LRRTM4: variants seen among roughly 807,000 people sequenced by gnomAD.
LRRTM4 encodes the protein leucine-rich repeat transmembrane neuronal protein 4.
Under a neutral mutation model 47.6 loss-of-function variants are expected in LRRTM4, and 25 were observed. That is an observed-to-expected ratio of 0.53 (90% CI 0.38 to 0.73). The LOEUF (loss-of-function observed/expected upper bound fraction) is 0.73. Ranked by LOEUF, LRRTM4 falls within the 30% of genes least tolerant of loss-of-function variation. LRRTM4 has a pLI of 0.00. For synonymous variants in LRRTM4, 311 were observed against 269.5 expected (o/e 1.15, Z -1.51); for missense variants, 638 against 713.4 (o/e 0.89, Z 1.20).
chr2:76,914,105 C>T (rs1674163587), intron 3 of LRRTM4, among the ~76,000 whole-genome samples: 1 of 151,728 alleles, frequency 6.6e-6, no homozygotes, highest in African/African-American at 2.4e-5. Context: ...TGGGATTAGT[C>T]TTAGACAACT....
intron 3 of LRRTM4, among the ~76,000 whole-genome samples, chr2:77,457,419 T>C (rs974859752): frequency 1.3e-5 from 2 of 152,096 alleles, no homozygotes; most frequent in African/African-American, 2.4e-5. Context: ...ATTATCTATC[T>C]ACACCTCTAA....
At chr2:76,926,069 T>A (rs1200307674) in intron 3 of LRRTM4, among the ~76,000 whole-genome samples, 2 of 152,134 alleles carry the variant, frequency 1.3e-5, no homozygotes, top group African/African-American at 2.4e-5. Context: ...GACAATTCAT[T>A]TAGGAGTTTG....
intron 3 of LRRTM4, among the ~76,000 whole-genome samples, chr2:77,214,129 T>C (rs1211319620): frequency 6.6e-6 from 1 of 152,204 alleles, no homozygotes; most frequent in Non-Finnish European, 1.5e-5. Context: ...CCATTTTGCC[T>C]TTACTTGAGA....
At chr2:77,113,313 G>A (rs988948833) in intron 3 of LRRTM4, among the ~76,000 whole-genome samples, 2 of 152,124 alleles carry the variant, frequency 1.3e-5, no homozygotes, top group Non-Finnish European at 2.9e-5. Context: ...AATGACCTCA[G>A]TACAAAAAGT....
intron 3 of LRRTM4, among the ~76,000 whole-genome samples, chr2:76,817,694 C>A (rs977808495): frequency 1.1e-4 from 16 of 151,916 alleles, no homozygotes; most frequent in African/African-American, 3.6e-4. Context: ...TTCCCTGAAA[C>A]TGCCTTGGAA....
chr2:76,912,237 T>C (rs79532982), intron 3 of LRRTM4, among the ~76,000 whole-genome samples: 1,586 of 152,274 alleles, frequency 0.01, 32 homozygotes, highest in African/African-American at 0.036. Context: ...CTTTTTAAAT[T>C]AGATGTATGA....
intron 3 of LRRTM4, among the ~76,000 whole-genome samples, chr2:76,867,010 G>T (rs1283498917): frequency 6.6e-6 from 1 of 151,870 alleles, no homozygotes; most frequent in African/African-American, 2.4e-5. Context: ...GTAAATGAGA[G>T]TTGAACAATG....
chr2:76,991,770 C>T (rs538921360), intron 3 of LRRTM4, among the ~76,000 whole-genome samples: 6 of 151,598 alleles, frequency 4.0e-5, no homozygotes, highest in Non-Finnish European at 8.9e-5. Flanking sequence ...GAGGGCTCCT[C>T]CCTAAATCAT....
intron 3 of LRRTM4, among the ~76,000 whole-genome samples, chr2:77,141,602 C>T (rs1672125289): frequency 6.6e-6 from 1 of 152,076 alleles, no homozygotes; most frequent in Admixed American, 6.6e-5. Flanking sequence ...CACATGTACC[C>T]TAGAAATTAA....
intron 3 of LRRTM4, among the ~76,000 whole-genome samples, chr2:76,961,096 T>C (rs1274429630): frequency 2.0e-5 from 3 of 151,546 alleles, no homozygotes; most frequent in Admixed American, 2.0e-4. Context: ...ACTTTCATTT[T>C]TATTTATTAC....
chr2:76,985,046 T>G (rs918790792), intron 3 of LRRTM4, among the ~76,000 whole-genome samples: 2 of 151,998 alleles, frequency 1.3e-5, no homozygotes, highest in African/African-American at 4.8e-5. Context: ...AAGTATTAAT[T>G]TTCTTTGTAT....
chr2:77,259,024 T>G (rs1282168944), intron 3 of LRRTM4, among the ~76,000 whole-genome samples: 2 of 152,036 alleles, frequency 1.3e-5, no homozygotes, highest in East Asian at 3.9e-4. Flanking sequence ...CATTTAAAAA[T>G]TACTGTAATT....
chr2:76,914,638 T>C (rs1158475817), intron 3 of LRRTM4, among the ~76,000 whole-genome samples: 3 of 152,062 alleles, frequency 2.0e-5, no homozygotes, highest in Admixed American at 1.3e-4. Context: ...GCATTCTTCC[T>C]CTTATCTGAC....
chr2:77,189,110 TAA>T (rs143237081), intron 3 of LRRTM4, among the ~76,000 whole-genome samples: 4,973 of 148,172 alleles, frequency 0.034, 132 homozygotes, highest in African/African-American at 0.078. Context: ...AAATTTCAAA[TAA>T]AAAAAAAACT....
chr2:76,866,904 G>A (rs1040637668), intron 3 of LRRTM4, among the ~76,000 whole-genome samples: 32 of 152,212 alleles, frequency 2.1e-4, no homozygotes, highest in African/African-American at 7.2e-4. Flanking sequence ...AAAGAATGAG[G>A]TCATGTCCCT....
intron 3 of LRRTM4, among the ~76,000 whole-genome samples, chr2:76,803,736 A>C (rs1483506963): frequency 6.6e-6 from 1 of 152,174 alleles, no homozygotes; most frequent in Non-Finnish European, 1.5e-5. Context: ...AAGGGTTAAC[A>C]CTTGGCTGGC....
intron 3 of LRRTM4, among the ~76,000 whole-genome samples, chr2:77,227,448 G>A (rs1674846336): frequency 6.6e-6 from 1 of 151,978 alleles, no homozygotes; most frequent in Non-Finnish European, 1.5e-5. Flanking sequence ...GAGAAACCAT[G>A]AGGAAACAAA....
At position 76,802,080 on chromosome 2, in the gene LRRTM4, A is replaced by T. The variant is rs564291929; in HGVS notation, c.1552-53164T>A. Among the ~76,000 whole-genome samples the T allele has an allele frequency of 2.0e-5, 3 of 152,234 alleles. No homozygotes were observed. The East Asian group carries it at 5.8e-4, about 29-fold the overall frequency. ...CAGGAACAAGACAAGGATGCCCACT[A>T]TTGCCACTTTTATTCAATACAGTAT... On this transcript the variant is annotated intron_variant, in intron 3 of 3. Coordinates refer to ENST00000409884, the MANE Select transcript of LRRTM4 (RefSeq NM_001134745.3).
chr2:77,458,896 A>T (rs560771330), intron 3 of LRRTM4, among the ~76,000 whole-genome samples: 1 of 152,056 alleles, frequency 6.6e-6, no homozygotes, highest in Admixed American at 6.6e-5. Flanking sequence ...TTACGTACAC[A>T]TGCAACTGAT....
Sources: gnomAD v4.1 joint callset for allele counts (sites outside exome capture counted in the v4.1 genomes callset) on GRCh38, gnomAD v4.1.1 for gene constraint, MANE v1.5 for transcripts, NCBI Gene and HGNC (gene_info 2026-07-23, HGNC 2026-07-21) for gene names.